The following AFAP1 variants were observed in gnomAD, a reference collection of about 807,000 sequenced individuals.
AFAP1 encodes the protein actin filament associated protein 1.
AFAP1 carries 75 observed loss-of-function variants against 93.9 expected under a neutral mutation model. The ratio of observed to expected loss-of-function variants is 0.80; its 90% confidence interval spans 0.66 to 0.97. The LOEUF (loss-of-function observed/expected upper bound fraction) is 0.97. Ranked by LOEUF, AFAP1 falls within the 50% of genes least tolerant of loss-of-function variation. The probability of loss-of-function intolerance (pLI) is 0.00; values close to 1 mark genes in which losing one functional copy is unlikely to be tolerated. For synonymous variants in AFAP1, 517 were observed against 430.7 expected, an observed-to-expected ratio of 1.20 and a Z score of -2.48; for missense variants, 1,201 against 1,050.8, an observed-to-expected ratio of 1.14 and a Z score of -1.98.
chr4:7,924,465 C>T (rs920932947), intron 1 of AFAP1, among the ~76,000 whole-genome samples: 3 of 152,148 alleles, frequency 2.0e-5, no homozygotes, highest in African/African-American at 4.8e-5. Context: ...CAGGCAATGG[C>T]GCCTAGGTAC....
At chr4:7,931,916 A>G (rs911593986) in intron 1 of AFAP1, among the ~76,000 whole-genome samples, 4 of 151,994 alleles carry the variant, frequency 2.6e-5, no homozygotes, top group Admixed American at 6.6e-5. Context: ...GCTGGAGTGC[A>G]GTGGCGCGAT....
At chr4:7,906,407 T>C (rs1719404395) in intron 1 of AFAP1, among the ~76,000 whole-genome samples, 1 of 152,208 alleles carries the variant, frequency 6.6e-6, no homozygotes, top group African/African-American at 2.4e-5. Flanking sequence ...TTCTTATCAT[T>C]AATAACAGCA....
intron 8 of AFAP1, among the ~76,000 whole-genome samples, chr4:7,815,467 A>C (rs1431341747): frequency 2.0e-5 from 3 of 152,220 alleles, no homozygotes; most frequent in Non-Finnish European, 4.4e-5. Flanking sequence ...AGGCAAAATA[A>C]AGACATTTTC....
chr4:7,900,852 A>G (rs894099383), intron 1 of AFAP1, among the ~76,000 whole-genome samples: 1 of 152,214 alleles, frequency 6.6e-6, no homozygotes, highest in African/African-American at 2.4e-5. Context: ...AAGCACGACT[A>G]ATCATTTAAA....
In AFAP1 at chr4:7,759,807, G is replaced by A. The variant is rs911810900; in HGVS notation, c.*3958C>T. 1 of 152,248 alleles carries A rather than the reference G, an allele frequency of 6.6e-6. No homozygotes were observed. 9.4% of individuals were successfully genotyped at this position (152,248 alleles called of 1,614,324 possible). A position where few individuals can be genotyped will look rare whatever the true frequency, so the allele number is the denominator to read the frequency against. ...GGATGGACATCCACCTGAATGCAGG[G>A]GCCACCTGTGAGCTCAGGGTGTCGG... On this transcript the variant is annotated 3_prime_UTR_variant, in exon 18 of 18. Transcript: ENST00000420658.
At chr4:7,920,437 G>C (rs916873988) in intron 1 of AFAP1, among the ~76,000 whole-genome samples, 1 of 152,146 alleles carries the variant, frequency 6.6e-6, no homozygotes, top group East Asian at 1.9e-4. Flanking sequence ...GCAAAGGTCC[G>C]TATTTGGGGT....
At chr4:7,850,435 A>G (rs76806283) in intron 4 of AFAP1, among the ~76,000 whole-genome samples, 3,118 of 152,320 alleles carry the variant, frequency 0.02, 110 homozygotes, top group African/African-American at 0.071. Context: ...GAGGAGGGAG[A>G]GGGAAGAGGG....
chr4:7,889,981 A>C (rs540175260), intron 1 of AFAP1, among the ~76,000 whole-genome samples: 1 of 148,500 alleles, frequency 6.7e-6, no homozygotes, highest in African/African-American at 2.5e-5. Context: ...AATCTCAATC[A>C]AGATCCCAGG....
chr4:7,925,854 AAAG>A (rs1421539153), intron 1 of AFAP1, among the ~76,000 whole-genome samples: 12 of 2,872 alleles, frequency 4.2e-3, no homozygotes, highest in African/African-American at 0.025. Context: ...TCAAAAAAAA[AAAG>A]AAAGAAAGAA....
chr4:7,854,234 T>A (rs578150181), intron 4 of AFAP1, among the ~76,000 whole-genome samples: 2 of 152,326 alleles, frequency 1.3e-5, no homozygotes, highest in South Asian at 4.1e-4. Flanking sequence ...GTTGGTAAAT[T>A]ATTCTCAAAA....
chr4:7,918,748 A>C (rs1577359033), intron 1 of AFAP1, among the ~76,000 whole-genome samples: 4 of 107,184 alleles, frequency 3.7e-5, no homozygotes, highest in South Asian at 3.7e-4. Flanking sequence ...CCAGGTCACC[A>C]AGAAACAGGG....
At chr4:7,806,043 G>C (rs1719483777) in intron 9 of AFAP1, among the ~76,000 whole-genome samples, 1 of 152,186 alleles carries the variant, frequency 6.6e-6, no homozygotes, top group Admixed American at 6.5e-5. Flanking sequence ...GGTAACAACG[G>C]CTTAATTCAT....
intron 4 of AFAP1, among the ~76,000 whole-genome samples, chr4:7,851,607 C>T (rs750089992): frequency 6.6e-6 from 1 of 152,132 alleles, no homozygotes; most frequent in East Asian, 1.9e-4. Flanking sequence ...ATCCTCATTC[C>T]CCAGACTTCT....
Position 7,760,884 on chromosome 4 carries a change from T to A in AFAP1, c.*2881A>T, listed in dbSNP as rs1281717762. On this transcript the variant is annotated 3_prime_UTR_variant, in exon 18 of 18. Coordinates refer to ENST00000420658, the MANE Select transcript of AFAP1 (RefSeq NM_001134647.2). Reference sequence around the variant, plus strand: ...CCTCGCATTGCGGTCGGCACCGTAGTACAGGTGGCTAGCCCCTGTGAACAC... The same window carrying A: ...CCTCGCATTGCGGTCGGCACCGTAGAACAGGTGGCTAGCCCCTGTGAACAC... The A allele has an allele frequency of 6.6e-6, 1 of 152,312 alleles. No homozygotes were observed. Among genetic ancestry groups the A allele is most frequent in the Admixed American group, 6.5e-5 (1 of 15,290 alleles). The allele number at this position is 152,312 out of a possible 1,614,324, so 9.4% of individuals were successfully genotyped here. A position where few individuals can be genotyped will look rare whatever the true frequency, so the allele number is the denominator to read the frequency against.
rs1560144200 is a variant in AFAP1, at chr4:7,768,873, AG to A, written c.2388del (p.Cys797AlafsTer14). On this transcript the variant is annotated frameshift_variant, in exon 17 of 18. Transcript: ENST00000420658. LOFTEE classifies it high-confidence loss of function. The part of the protein sequence containing the change: ...KKSQAAPGSS[P>X]CRGHVLRKAK... ...GCCTTCCGCAGCACATGCCCTCGGC[AG>A]GGGGAGCTGCCCGGGGCAGCCTGGC... 6.2e-7 allele frequency: 1 copy of A among 1,607,306 alleles called. No homozygotes were observed. The highest frequency in any genetic ancestry group is 8.5e-7 in the Non-Finnish European group (1 of 1,175,044).
intron 1 of AFAP1, among the ~76,000 whole-genome samples, chr4:7,919,811 A>G (rs1267101494): frequency 6.6e-6 from 1 of 151,888 alleles, no homozygotes; most frequent in East Asian, 1.9e-4. Context: ...CCCACCCCCA[A>G]CAGGCCCCAG....
At chr4:7,873,158 G>C (rs559290594) in intron 1 of AFAP1, among the ~76,000 whole-genome samples, 7 of 143,308 alleles carry the variant, frequency 4.9e-5, no homozygotes, top group African/African-American at 1.8e-4. Context: ...CACAAGAATC[G>C]CTTGAACCTG....
chr4:7,932,966 G>C (rs1273930465), intron 1 of AFAP1, among the ~76,000 whole-genome samples: 2 of 134,396 alleles, frequency 1.5e-5, no homozygotes, highest in East Asian at 4.5e-4. Flanking sequence ...GTTGTGGTGA[G>C]CCGAGATCGC....
intron 1 of AFAP1, among the ~76,000 whole-genome samples, chr4:7,905,875 C>A (rs1276213729): frequency 6.6e-6 from 1 of 152,190 alleles, no homozygotes; most frequent in Non-Finnish European, 1.5e-5. Flanking sequence ...AAACAGCCTG[C>A]AGTGTGGAGG....
Sources: allele counts gnomAD v4.1 joint callset (sites outside exome capture counted in the v4.1 genomes callset), GRCh38; gene constraint gnomAD v4.1.1; transcripts MANE v1.5; gene names NCBI Gene and HGNC (gene_info 2026-07-23, HGNC 2026-07-21).